The following ZNF85 variants were observed in gnomAD, a reference collection of about 807,000 sequenced individuals.
ZNF85 encodes zinc finger protein 85, also known as zinc finger protein 85 (HPF4, HTF1).
ZNF85 carries 50 observed loss-of-function variants against 53.9 expected under a neutral mutation model. The observed-to-expected ratio is 0.93, with a 90% CI of 0.74 to 1.17. The LOEUF (loss-of-function observed/expected upper bound fraction) is 1.17, where lower values mean the gene tolerates loss of function less well. Among genes scored for constraint, ZNF85 ranks in the 50% most tolerant of loss-of-function variants. The pLI is 0.00. For synonymous variants in ZNF85, 225 were observed against 226.1 expected, an observed-to-expected ratio of 1.00 and a Z score of 0.04; for missense variants, 747 against 688.5, an observed-to-expected ratio of 1.08 and a Z score of -0.95.
In ZNF85 at chr19:20,923,313, T is replaced by A; in HGVS notation, c.-88T>A. On this transcript the variant is annotated 5_prime_UTR_variant, in exon 1 of 4. Transcript: ENST00000328178. Reference sequence around the variant, plus strand: ...GTTTTCCCTGCTTTGTGTTTTCTGCTCGTGGACGCCCAGCCTCTGTGGCCC... The same window carrying A: ...GTTTTCCCTGCTTTGTGTTTTCTGCACGTGGACGCCCAGCCTCTGTGGCCC... The A allele has an allele frequency of 6.2e-7, 1 of 1,601,542 alleles. No homozygotes were observed. The highest frequency in any genetic ancestry group is 1.1e-5 in the South Asian group (1 of 90,730).
chr19:20,941,298 G>C (rs1283468510), intron 3 of ZNF85, among the ~76,000 whole-genome samples: 2 of 151,984 alleles, frequency 1.3e-5, no homozygotes, highest in Non-Finnish European at 2.9e-5. Flanking sequence ...GCCCCAGGTG[G>C]AGTCTTGCTC....
At chr19:20,924,816 C>A (rs927944877) in intron 1 of ZNF85, among the ~76,000 whole-genome samples, 120 of 152,282 alleles carry the variant, frequency 7.9e-4, no homozygotes, top group African/African-American at 2.8e-3. Flanking sequence ...AAAAAAATCT[C>A]TGTGTCTCTT....
chr19:20,923,273 TGAGC>T lies in ZNF85; in HGVS notation c.-127_-124del. On this transcript the variant is annotated 5_prime_UTR_variant, in exon 1 of 4. Transcript: ENST00000328178. The stretch of plus-strand genomic sequence containing the variant: ...GGGGCCTTTGTCTCTCGCTGCAGCC[TGAGC>T]TCTAGGTCTTGTTTTCCCTGCTTTG... 1.4e-6 allele frequency: 2 copies of T among 1,459,596 alleles called. No homozygotes were observed. The highest frequency in any genetic ancestry group is 1.9e-6 in the Non-Finnish European group (2 of 1,054,384). 90.4% of individuals were successfully genotyped at this position (1,459,596 alleles called of 1,614,324 possible).
chr19:20,938,080 T>C (rs948198347), intron 3 of ZNF85, among the ~76,000 whole-genome samples: 2 of 152,184 alleles, frequency 1.3e-5, no homozygotes, highest in Admixed American at 6.5e-5. Flanking sequence ...TAGTCTTGTT[T>C]TTTTGTTTTT....
rs3074811 is a variant in ZNF85, at chr19:20,933,997, G to GTA, written c.4-25_4-24dup. On this transcript the variant is annotated intron_variant, in intron 1 of 3. Coordinates refer to ENST00000328178, the MANE Select transcript of ZNF85 (RefSeq NM_003429.5). ...TGTGTGTGTGTGTGTGTGTGTGTGTGTATGTGTATGTGTGTGTATCTTTCA... is the reference window on the plus strand; with the variant it reads ...TGTGTGTGTGTGTGTGTGTGTGTGTGTATATGTGTATGTGTGTGTATCTTTCA... 22 of 1,378,896 alleles carry GTA rather than the reference G, an allele frequency of 1.6e-5. No homozygotes were observed. In the African/African-American group the frequency reaches 2.9e-4, roughly 18 times the overall value. The allele number at this position is 1,378,896 out of a possible 1,614,324, so 85.4% of individuals were successfully genotyped here.
At chr19:20,925,116 CTCCTGGTGTACTCT>C (rs1490817490) in intron 1 of ZNF85, among the ~76,000 whole-genome samples, 1 of 152,148 alleles carries the variant, frequency 6.6e-6, no homozygotes, top group Non-Finnish European at 1.5e-5. Flanking sequence ...TGAGTGCAGT[CTCCTGGTGTACTCT>C]TCCTTTGAAA....
chr19:20,930,120 C>CAAAAAAAAA (rs57832039), intron 1 of ZNF85, among the ~76,000 whole-genome samples: 47 of 79,180 alleles, frequency 5.9e-4, no homozygotes, highest in Non-Finnish European at 7.3e-4. Flanking sequence ...GACTCCGTCC[C>CAAAAAAAAA]AAAAAAAAAA....
At chr19:20,939,254 C>T (rs746304892) in intron 3 of ZNF85, among the ~76,000 whole-genome samples, 3 of 151,908 alleles carry the variant, frequency 2.0e-5, no homozygotes, top group Non-Finnish European at 2.9e-5. Flanking sequence ...TTAGTGTAGG[C>T]TTGTTTTTTG....
chr19:20,934,330 C>A (rs969402276), intron 2 of ZNF85, among the ~76,000 whole-genome samples, 180 bp downstream of exon 2: 1 of 152,098 alleles, frequency 6.6e-6, no homozygotes, highest in African/African-American at 2.4e-5. Flanking sequence ...TTCATTTTGA[C>A]CTTAACTTTC....
chr19:20,947,689 T>A (rs1973456505), intron 3 of ZNF85, among the ~76,000 whole-genome samples: 1 of 151,502 alleles, frequency 6.6e-6, no homozygotes, highest in Non-Finnish European at 1.5e-5. Flanking sequence ...CATGCATGTG[T>A]TTGTTATAAA....
chr19:20,934,493 G>C (rs1372924236), intron 2 of ZNF85, among the ~76,000 whole-genome samples: 1 of 152,182 alleles, frequency 6.6e-6, no homozygotes, highest in African/African-American at 2.4e-5. Flanking sequence ...AACTGGGCCA[G>C]GCTTGGTGGC....
chr19:20,944,664 T>TA (rs1212220695), intron 3 of ZNF85, among the ~76,000 whole-genome samples: 1 of 151,678 alleles, frequency 6.6e-6, no homozygotes, highest in Non-Finnish European at 1.5e-5. Context: ...TTCATGAATA[T>TA]ATTGTTCTAC....
chr19:20,938,628 AG>A (rs1283848202), intron 3 of ZNF85, among the ~76,000 whole-genome samples: 2 of 152,240 alleles, frequency 1.3e-5, no homozygotes, highest in Non-Finnish European at 2.9e-5. Context: ...TCAGACATTT[AG>A]AACAATATGC....
intron 3 of ZNF85, 69 bp downstream of exon 3, chr19:20,935,116 T>C (rs1324516449): frequency 6.0e-6 from 6 of 1,003,138 alleles, no homozygotes; most frequent in Non-Finnish European, 8.8e-6. Flanking sequence ...AGAAAGCCAG[T>C]CCTTAAAATG....
intron 1 of ZNF85, chr19:20,926,752 G>C (rs1258829151): frequency 6.6e-6 from 1 of 152,092 alleles, no homozygotes; most frequent in East Asian, 1.9e-4. Context: ...AGGTTAAGAT[G>C]AAAGGAAACT....
chr19:20,923,257 GTC>G lies in ZNF85; in HGVS notation c.-139_-138del. The G allele has an allele frequency of 5.2e-6, 7 of 1,334,412 alleles. No individual in the cohort carries two copies. The highest frequency in any genetic ancestry group is 6.3e-6 in the Non-Finnish European group (6 of 957,134). 82.7% of individuals were successfully genotyped at this position (1,334,412 alleles called of 1,614,324 possible). On this transcript the variant is annotated 5_prime_UTR_variant, in exon 1 of 4. Transcript: ENST00000328178. ...GCTTCCGGGATGTGGCGGGGCCTTT[GTC>G]TCTCGCTGCAGCCTGAGCTCTAGGT... is the stretch of plus-strand genomic sequence containing the variant.
At chr19:20,942,068 A>G (rs1362412387) in intron 3 of ZNF85, among the ~76,000 whole-genome samples, 1 of 152,118 alleles carries the variant, frequency 6.6e-6, no homozygotes, top group African/African-American at 2.4e-5. Flanking sequence ...TCATTTGATC[A>G]TATACAGATT....
intron 1 of ZNF85, among the ~76,000 whole-genome samples, chr19:20,923,965 A>G (rs2144590968): frequency 6.6e-6 from 1 of 152,048 alleles, no homozygotes; most frequent in East Asian, 1.9e-4. Context: ...CGCGCCTGCA[A>G]TCCCAGCTAC....
At chr19:20,946,197 T>G in intron 3 of ZNF85, 1 of 253,048 alleles carries the variant, frequency 4.0e-6, no homozygotes, top group Non-Finnish European at 7.7e-6. Flanking sequence ...ATGAACATCT[T>G]TACAGCATTA....
Sources: allele counts gnomAD v4.1 joint callset (sites outside exome capture counted in the v4.1 genomes callset), GRCh38; gene constraint gnomAD v4.1.1; transcripts MANE v1.5; gene names NCBI Gene and HGNC (gene_info 2026-07-23, HGNC 2026-07-21).